THSD7B: variants seen among roughly 807,000 people sequenced by gnomAD.
THSD7B encodes thrombospondin type 1 domain containing 7B.
A neutral mutation model predicts 213.6 loss-of-function variants in THSD7B; 138 were observed. The ratio of observed to expected loss-of-function variants is 0.65; its 90% confidence interval spans 0.56 to 0.74. The LOEUF (loss-of-function observed/expected upper bound fraction) is 0.74. THSD7B is among the 30% of genes least tolerant of loss of function. THSD7B has a pLI of 0.00. For synonymous variants in THSD7B, 742 were observed against 687.0 expected (o/e 1.08, Z -1.25); for missense variants, 1,931 against 1,991.5 (o/e 0.97, Z 0.58).
At chr2:137,545,327 AC>A (rs1359978430) in intron 15 of THSD7B, among the ~76,000 whole-genome samples, 1 of 151,842 alleles carries the variant, frequency 6.6e-6, no homozygotes, top group Admixed American at 6.6e-5. Context: ...GAAAAACTAG[AC>A]CCCAAGAGTC....
chr2:137,058,575 C>T (rs1480609140), intron 3 of THSD7B, among the ~76,000 whole-genome samples: 4 of 152,044 alleles, frequency 2.6e-5, no homozygotes, highest in Non-Finnish European at 5.9e-5. Context: ...TAACATCTTG[C>T]ATTCATGTGA....
At chr2:137,172,093 T>C (rs1181469708) in intron 7 of THSD7B, among the ~76,000 whole-genome samples, 2 of 152,230 alleles carry the variant, frequency 1.3e-5, no homozygotes, top group East Asian at 3.8e-4. Flanking sequence ...ATATTGTGTT[T>C]TCTAATAAGA....
At chr2:137,576,739 G>A (rs946666233) in intron 17 of THSD7B, among the ~76,000 whole-genome samples, 1 of 151,868 alleles carries the variant, frequency 6.6e-6, no homozygotes, top group South Asian at 2.1e-4. Context: ...AAAGAGAAAT[G>A]CATGCCGGTT....
intron 20 of THSD7B, among the ~76,000 whole-genome samples, chr2:137,623,142 A>G (rs1326326052): frequency 6.6e-6 from 1 of 152,196 alleles, no homozygotes; most frequent in Non-Finnish European, 1.5e-5. Flanking sequence ...GATCAAGTGG[A>G]CTTCATCCCT....
At chr2:137,671,053 C>T (rs1334672436) in intron 27 of THSD7B, among the ~76,000 whole-genome samples, 1 of 151,762 alleles carries the variant, frequency 6.6e-6, no homozygotes, top group Non-Finnish European at 1.5e-5. Context: ...TCTTTCTTTC[C>T]ACAGTTCACT....
intron 2 of THSD7B, among the ~76,000 whole-genome samples, chr2:136,953,675 C>G (rs1370135957): frequency 2.0e-5 from 3 of 152,188 alleles, no homozygotes; most frequent in Non-Finnish European, 4.4e-5. Flanking sequence ...TTAACGGAAT[C>G]TTATCTCCCT....
chr2:136,766,209 G>A (rs938104529), intron 1 of THSD7B, among the ~76,000 whole-genome samples: 3 of 152,196 alleles, frequency 2.0e-5, no homozygotes, highest in African/African-American at 4.8e-5. Context: ...GTGCATAGGC[G>A]TTCAGTGCCA....
At chr2:137,387,965 A>G (rs754622060) in intron 12 of THSD7B, among the ~76,000 whole-genome samples, 9 of 152,172 alleles carry the variant, frequency 5.9e-5, no homozygotes, top group Non-Finnish European at 1.0e-4. Flanking sequence ...ACTGATATGT[A>G]TATGTGTGTA....
intron 12 of THSD7B, among the ~76,000 whole-genome samples, chr2:137,350,761 G>A (rs1388063338): frequency 1.3e-5 from 2 of 151,710 alleles, no homozygotes; most frequent in African/African-American, 4.8e-5. Flanking sequence ...GTGTGCTAGT[G>A]GAGATGGGAA....
chr2:137,439,579 T>C (rs574243325), intron 14 of THSD7B, among the ~76,000 whole-genome samples: 52 of 152,206 alleles, frequency 3.4e-4, no homozygotes, highest in Non-Finnish European at 8.8e-5. Context: ...AACAAAATTA[T>C]TGGTAATGGA....
At chr2:137,072,269 C>A (rs531484431) in intron 3 of THSD7B, among the ~76,000 whole-genome samples, 1 of 152,206 alleles carries the variant, frequency 6.6e-6, no homozygotes, top group Non-Finnish European at 1.5e-5. Context: ...TCTTTGTATC[C>A]TCTTTTATTT....
rs1683729348 is a variant in THSD7B, at chr2:137,677,460, C to T, written c.*855C>T. 1 of 152,450 alleles carries T rather than the reference C, an allele frequency of 6.6e-6. No individual in the cohort carries two copies. Among genetic ancestry groups the T allele is most frequent in the South Asian group, 2.1e-4 (1 of 4,832 alleles). The allele number at this position is 152,450 out of a possible 1,614,324, so 9.4% of individuals were successfully genotyped here. On this transcript the variant is annotated 3_prime_UTR_variant, in exon 28 of 28. Coordinates refer to ENST00000409968, the MANE Select transcript of THSD7B (RefSeq NM_001316349.2). Reference sequence around the variant, plus strand: ...ATGACAAACTCTGCTTTTGTAATTTCAATTTTCTTATCTGAATATTTATAA... The same window carrying T: ...ATGACAAACTCTGCTTTTGTAATTTTAATTTTCTTATCTGAATATTTATAA...
chr2:137,365,039 A>G (rs1685373043), intron 12 of THSD7B, among the ~76,000 whole-genome samples: 1 of 152,196 alleles, frequency 6.6e-6, no homozygotes, highest in Admixed American at 6.5e-5. Context: ...GTACCAGAAC[A>G]GAGATATAGA....
At chr2:136,886,167 G>C (rs933858928) in intron 2 of THSD7B, among the ~76,000 whole-genome samples, 1 of 152,158 alleles carries the variant, frequency 6.6e-6, no homozygotes, top group African/African-American at 2.4e-5. Context: ...GGGTAACGGG[G>C]TCCACATGGG....
rs565814569 is a variant in THSD7B, at chr2:137,288,487, A to G, written c.2500+12461A>G. On this transcript the variant is annotated intron_variant, in intron 12 of 27. Transcript: ENST00000409968. ...GCAGGGGGTTTTTGAAGACTTTGTA[A>G]TTATGCCAGGAAGGGTTTTGAGAGC... Among the ~76,000 whole-genome samples the G allele has an allele frequency of 3.0e-4, 46 of 152,182 alleles. 1 individual carries two copies. In the South Asian group the frequency reaches 4.4e-3, roughly 15 times the overall value.
intron 1 of THSD7B, among the ~76,000 whole-genome samples, chr2:136,806,570 T>C (rs180750920): frequency 1.3e-5 from 2 of 152,258 alleles, no homozygotes; most frequent in Non-Finnish European, 1.5e-5. Context: ...TTTAGAATAG[T>C]TTTACAGTCA....
chr2:137,179,159 C>T (rs2105003607), intron 7 of THSD7B, among the ~76,000 whole-genome samples: 1 of 152,222 alleles, frequency 6.6e-6, no homozygotes, highest in East Asian at 1.9e-4. Context: ...AAATGGTCAA[C>T]CCAACCTTTC....
intron 5 of THSD7B, among the ~76,000 whole-genome samples, chr2:137,147,183 A>G (rs1679719696): frequency 6.6e-6 from 1 of 152,180 alleles, no homozygotes; most frequent in Admixed American, 6.6e-5. Flanking sequence ...GTGAAGAGCT[A>G]TACAAGTAGG....
chr2:137,582,461 G>C (rs937877525), intron 17 of THSD7B, among the ~76,000 whole-genome samples: 1 of 151,744 alleles, frequency 6.6e-6, no homozygotes, highest in Non-Finnish European at 1.5e-5. Flanking sequence ...TTTACATTAG[G>C]TATATCTCCT....
Sources: gnomAD v4.1 joint callset for allele counts (sites outside exome capture counted in the v4.1 genomes callset) on GRCh38, gnomAD v4.1.1 for gene constraint, MANE v1.5 for transcripts, NCBI Gene and HGNC (gene_info 2026-07-23, HGNC 2026-07-21) for gene names.